The following TMCO5A variants were observed in gnomAD, a reference collection of about 807,000 sequenced individuals.
TMCO5A encodes the protein transmembrane and coiled-coil domain-containing protein 5A.
Under a neutral mutation model 42.3 loss-of-function variants are expected in TMCO5A, and 34 were observed. The observed-to-expected ratio is 0.80, with a 90% confidence interval of 0.61 to 1.07. The LOEUF is 1.07. TMCO5A is among the 50% of genes least tolerant of loss of function. The probability of loss-of-function intolerance (pLI) is 0.00; values close to 1 mark genes in which losing one functional copy is unlikely to be tolerated. For synonymous variants in TMCO5A, 131 were observed against 115.6 expected, an observed-to-expected ratio of 1.13 and a Z score of -0.86; for missense variants, 357 against 327.9, an observed-to-expected ratio of 1.09 and a Z score of -0.69.
chr15:37,949,927 G>C (rs1387970677), intron 11 of TMCO5A, among the ~76,000 whole-genome samples: 1 of 152,142 alleles, frequency 6.6e-6, no homozygotes, highest in African/African-American at 2.4e-5. Flanking sequence ...GCTGGAGCTA[G>C]AAGTTATATT....
the TMCO5A span, among the ~76,000 whole-genome samples, chr15:38,032,225 G>A: frequency 1.4e-4 from 21 of 152,228 alleles, no homozygotes; most frequent in African/African-American, 4.3e-4. Context: ...AAAGTGCTGG[G>A]ATTACAGGCA....
the TMCO5A span, among the ~76,000 whole-genome samples, chr15:37,997,564 G>C: frequency 6.6e-6 from 1 of 152,194 alleles, no homozygotes; most frequent in East Asian, 1.9e-4. Flanking sequence ...TGGCTGAATA[G>C]TACTCCATAG....
At chr15:38,019,092 C>T in the TMCO5A span, among the ~76,000 whole-genome samples, 1 of 152,064 alleles carries the variant, frequency 6.6e-6, no homozygotes, top group Non-Finnish European at 1.5e-5. Context: ...AGAATGACTT[C>T]TGTAAAATGA....
the TMCO5A span, among the ~76,000 whole-genome samples, chr15:38,011,790 T>C: frequency 6.6e-6 from 1 of 152,188 alleles, no homozygotes; most frequent in Admixed American, 6.5e-5. Flanking sequence ...GTGTATCTTT[T>C]CCTGCTCTGA....
At chr15:37,995,108 C>T in the TMCO5A span, among the ~76,000 whole-genome samples, 1 of 152,132 alleles carries the variant, frequency 6.6e-6, no homozygotes, top group Admixed American at 6.5e-5. Flanking sequence ...TATTTGTGCC[C>T]TCCCTACGCC....
At chr15:37,967,333 C>T (rs1890580567) in exon 12 of TMCO5A, 1 of 152,148 alleles carries the variant, frequency 6.6e-6, no homozygotes, top group Non-Finnish European at 1.5e-5. Context: ...CTAAAAGTGT[C>T]TCAATTTTAA....
rs755070762 is a variant in TMCO5A, at chr15:37,951,278, C to G, written c.*44C>G. 3.8e-6 allele frequency: 6 copies of G among 1,586,252 alleles called. No homozygotes were observed. The African/African-American group carries it at 5.4e-5, about 14-fold the overall frequency. On this transcript the variant is annotated 3_prime_UTR_variant, in exon 12 of 12. Coordinates refer to ENST00000319669, the MANE Select transcript of TMCO5A (RefSeq NM_152453.4). ...TGAGCAATAGAAGGGAAGTGGGATC[C>G]GAGCCTGTAGAAGGGAGGCATGAAA...
the TMCO5A span, among the ~76,000 whole-genome samples, chr15:37,982,524 T>C: frequency 6.9e-6 from 1 of 144,894 alleles, no homozygotes; most frequent in African/African-American, 2.5e-5. Context: ...ATATTATCTA[T>C]ATATAATAGA....
At chr15:37,981,903 C>G in the TMCO5A span, among the ~76,000 whole-genome samples, 1 of 152,176 alleles carries the variant, frequency 6.6e-6, no homozygotes, top group Admixed American at 6.5e-5. Flanking sequence ...TCATTACAGA[C>G]AACGGAGCAG....
the TMCO5A span, among the ~76,000 whole-genome samples, chr15:38,032,636 T>C: frequency 1.3e-5 from 2 of 152,260 alleles, no homozygotes; most frequent in Middle Eastern, 3.4e-3. Context: ...TTCCCATGAG[T>C]GTCCCAGTGG....
chr15:38,032,295 A>G, the TMCO5A span, among the ~76,000 whole-genome samples: 2 of 152,176 alleles, frequency 1.3e-5, no homozygotes, highest in African/African-American at 4.8e-5. Context: ...GCATTTCCTC[A>G]GTAGATTTCC....
the TMCO5A span, among the ~76,000 whole-genome samples, chr15:37,998,657 C>A: frequency 6.6e-6 from 1 of 151,962 alleles, no homozygotes; most frequent in Non-Finnish European, 1.5e-5. Context: ...GTTCTTTTTG[C>A]CCAGGATGGC....
the TMCO5A span, among the ~76,000 whole-genome samples, chr15:38,001,237 C>T: frequency 6.6e-6 from 1 of 152,054 alleles, no homozygotes; most frequent in Admixed American, 6.6e-5. Flanking sequence ...GCATTGACCC[C>T]TTTATCAATA....
rs1421789398 is a variant in TMCO5A, at chr15:37,944,973, A to C, written c.627+1575A>C. 8.6e-5 allele frequency among the ~76,000 whole-genome samples: 13 copies of C among 152,006 alleles called. No homozygotes were observed. In the East Asian group the frequency reaches 2.5e-3, roughly 29 times the overall value. On this transcript the variant is annotated intron_variant, in intron 10 of 11. Coordinates refer to ENST00000319669, the MANE Select transcript of TMCO5A (RefSeq NM_152453.4). The stretch of plus-strand genomic sequence containing the variant: ...TGCTGCACAGATCATCCCATCACCT[A>C]GGTATTAAGCCCAGCATCTACTAGC...
At chr15:38,038,193 G>A in the TMCO5A span, among the ~76,000 whole-genome samples, 7 of 151,920 alleles carry the variant, frequency 4.6e-5, no homozygotes, top group African/African-American at 7.3e-5. Flanking sequence ...TGTTCCTACC[G>A]TGTCCAAGTA....
chr15:37,945,888 G>A (rs929322603), intron 10 of TMCO5A, among the ~76,000 whole-genome samples: 1 of 152,078 alleles, frequency 6.6e-6, no homozygotes, highest in Non-Finnish European at 1.5e-5. Flanking sequence ...TATCCCACTT[G>A]TCTAATTTTG....
At chr15:38,033,915 C>G in the TMCO5A span, among the ~76,000 whole-genome samples, 4 of 152,110 alleles carry the variant, frequency 2.6e-5, no homozygotes, top group Non-Finnish European at 5.9e-5. Flanking sequence ...CACCTGGTCC[C>G]CCTCCATGTC....
At chr15:38,006,832 CTAATATTTATATTATTT>C in the TMCO5A span, among the ~76,000 whole-genome samples, 2 of 151,052 alleles carry the variant, frequency 1.3e-5, no homozygotes, top group African/African-American at 2.4e-5. Flanking sequence ...TATATTAATG[CTAATATTTATATTATTT>C]TAATATTTAT....
At chr15:38,039,405 A>G in the TMCO5A span, among the ~76,000 whole-genome samples, 1 of 152,226 alleles carries the variant, frequency 6.6e-6, no homozygotes, top group Non-Finnish European at 1.5e-5. Flanking sequence ...CCTCAATTTC[A>G]TGCATATCCT....
Sources: allele counts gnomAD v4.1 joint callset (sites outside exome capture counted in the v4.1 genomes callset), GRCh38; gene constraint gnomAD v4.1.1; transcripts MANE v1.5; gene names NCBI Gene and HGNC (gene_info 2026-07-23, HGNC 2026-07-21).